The following NCOA1 variants were observed in gnomAD, a reference collection of about 807,000 sequenced individuals.
The protein encoded by NCOA1 is nuclear receptor coactivator 1.
A neutral mutation model predicts 150.9 loss-of-function variants in NCOA1; 35 were observed. The ratio of observed to expected loss-of-function variants is 0.23; its 90% CI spans 0.18 to 0.31. The LOEUF (loss-of-function observed/expected upper bound fraction) is 0.31. NCOA1 is among the 10% of genes least tolerant of loss of function. NCOA1 has a pLI of 1.00. For missense variants in NCOA1, 1,491 were observed against 1,749.3 expected, an observed-to-expected ratio of 0.85 and a Z score of 2.63; for synonymous variants, 590 against 630.0, an observed-to-expected ratio of 0.94 and a Z score of 0.95.
chr2:24,499,855 C>T (rs533977088), intron 1 of NCOA1, among the ~76,000 whole-genome samples: 2 of 152,306 alleles, frequency 1.3e-5, no homozygotes, highest in East Asian at 1.9e-4. Flanking sequence ...ACTCGTTACA[C>T]GGAGGGAACA....
chr2:24,656,447 G>A (rs1038783039), intron 4 of NCOA1, among the ~76,000 whole-genome samples: 1 of 152,174 alleles, frequency 6.6e-6, no homozygotes. Flanking sequence ...TGTCCCTCAC[G>A]TCAATCATTT....
In NCOA1 at chr2:24,564,390, A is replaced by C. The variant is rs1487727783; in HGVS notation, c.-300A>C. On this transcript the variant is annotated 5_prime_UTR_variant, in exon 2 of 23. Transcript: ENST00000348332. ...TCATGCAGTAGGCAACTTTGCTTCC[A>C]AAAGAAGTTACCAACATTTAGAATT... The C allele has an allele frequency of 1.3e-5, 2 of 152,254 alleles. No homozygotes were observed. The highest frequency in any genetic ancestry group is 4.8e-5 in the African/African-American group (2 of 41,472). 9.4% of individuals were successfully genotyped at this position (152,254 alleles called of 1,614,324 possible). A position where few individuals can be genotyped will look rare whatever the true frequency, so the allele number is the denominator to read the frequency against.
chr2:24,768,863 C>T lies in NCOA1; in HGVS notation c.*472C>T. ...GTCATGTGTCTCGAAATCAGCAGCC[C>T]TCCCCATCCCAATCCCAGGCAGCTT... On this transcript the variant is annotated 3_prime_UTR_variant, in exon 23 of 23. Transcript: ENST00000348332. 8.9e-6 allele frequency: 2 copies of T among 223,856 alleles called. No homozygotes were observed. The highest frequency in any genetic ancestry group is 1.8e-5 in the Non-Finnish European group (2 of 111,902). 13.9% of individuals were successfully genotyped at this position (223,856 alleles called of 1,614,324 possible).
chr2:24,519,115 C>T (rs1558760518), intron 1 of NCOA1, among the ~76,000 whole-genome samples: 1 of 152,058 alleles, frequency 6.6e-6, no homozygotes, highest in African/African-American at 2.4e-5. Flanking sequence ...GTATGGGTTT[C>T]AAGACAGACA....
chr2:24,697,028 T>C (rs1199955068), intron 10 of NCOA1, among the ~76,000 whole-genome samples: 1 of 152,128 alleles, frequency 6.6e-6, no homozygotes, highest in African/African-American at 2.4e-5. Flanking sequence ...TCATAGCCAT[T>C]TGGAAATTTG....
chr2:24,633,242 AC>A lies in NCOA1; in HGVS notation c.-174-10723del, dbSNP rs1420485898. The stretch of plus-strand genomic sequence containing the variant: ...GCAAGAATGGGATATTTAAAAAAAA[AC>A]ATTCAGAGAACAAAAAAGAATTTTT... On this transcript the variant is annotated intron_variant, in intron 3 of 22. Coordinates refer to ENST00000348332, the MANE Select transcript of NCOA1 (RefSeq NM_003743.5). 4.6e-5 allele frequency among the ~76,000 whole-genome samples: 7 copies of A among 152,262 alleles called. No homozygotes were observed. In the South Asian group the frequency reaches 6.2e-4, roughly 14 times the overall value.
At chr2:24,704,505 G>A (rs999755653) in intron 11 of NCOA1, among the ~76,000 whole-genome samples, 5 of 152,120 alleles carry the variant, frequency 3.3e-5, no homozygotes, top group East Asian at 3.9e-4. Flanking sequence ...GGCCAGGCGC[G>A]GTGGCTTACG....
At chr2:24,553,038 G>C (rs1665926647) in intron 1 of NCOA1, among the ~76,000 whole-genome samples, 1 of 152,132 alleles carries the variant, frequency 6.6e-6, no homozygotes. Context: ...TTGTTGAATA[G>C]GAGTGGTGAG....
chr2:24,503,720 T>C (rs1663564693), intron 1 of NCOA1, among the ~76,000 whole-genome samples: 1 of 150,964 alleles, frequency 6.6e-6, no homozygotes, highest in African/African-American at 2.5e-5. Flanking sequence ...TTTTATCATG[T>C]ATACTTGTCT....
At chr2:24,527,208 C>G (rs1464189391) in intron 1 of NCOA1, among the ~76,000 whole-genome samples, 1 of 152,112 alleles carries the variant, frequency 6.6e-6, no homozygotes, top group Non-Finnish European at 1.5e-5. Context: ...GAGCAAAAAT[C>G]CTGAGTAAAA....
intron 1 of NCOA1, among the ~76,000 whole-genome samples, chr2:24,507,343 C>T (rs1451631378): frequency 6.6e-6 from 1 of 150,524 alleles, no homozygotes; most frequent in Non-Finnish European, 1.5e-5. Flanking sequence ...CCTGTCTCCA[C>T]AAGGTGGTTG....
intron 7 of NCOA1, among the ~76,000 whole-genome samples, chr2:24,679,616 A>G (rs1572581215): frequency 1.3e-5 from 2 of 152,262 alleles, no homozygotes; most frequent in East Asian, 3.8e-4. Flanking sequence ...CTGTTTTTAA[A>G]TTATTTCTAT....
intron 4 of NCOA1, among the ~76,000 whole-genome samples, chr2:24,644,413 C>T (rs1558868557): frequency 6.6e-6 from 1 of 152,034 alleles, no homozygotes; most frequent in Non-Finnish European, 1.5e-5. Context: ...TCCAGATTTG[C>T]TTCATATATT....
chr2:24,499,172 A>G (rs1423893553), intron 1 of NCOA1, among the ~76,000 whole-genome samples: 2 of 152,156 alleles, frequency 1.3e-5, no homozygotes, highest in East Asian at 3.8e-4. Flanking sequence ...TGAAGTCTAC[A>G]TTTTGATGTT....
Position 24,735,524 on chromosome 2 carries a change from A to G in NCOA1, c.3202-3908A>G, listed in dbSNP as rs56141356. 3.2e-3 allele frequency among the ~76,000 whole-genome samples: 487 copies of G among 152,170 alleles called. 3 individuals carry two copies. The highest frequency in any genetic ancestry group is 0.017 in the Middle Eastern group (5 of 294). ...AGGTCAGTTTAAAAACAGATGTTGA[A>G]AAAATATATATATATAAATAGATAT... On this transcript the variant is annotated intron_variant, in intron 17 of 22. Transcript: ENST00000348332.
chr2:24,500,522 A>T (rs1403698549), intron 1 of NCOA1, among the ~76,000 whole-genome samples: 1 of 152,204 alleles, frequency 6.6e-6, no homozygotes, highest in Non-Finnish European at 1.5e-5. Context: ...GGGCTTGGGT[A>T]ACTGGATTTT....
chr2:24,567,664 C>T (rs1666570288), intron 2 of NCOA1, among the ~76,000 whole-genome samples: 2 of 152,190 alleles, frequency 1.3e-5, no homozygotes, highest in African/African-American at 4.8e-5. Context: ...AGGAAGTTCT[C>T]ATCAATTGAA....
chr2:24,552,204 G>C (rs1665855975), intron 1 of NCOA1, among the ~76,000 whole-genome samples: 1 of 149,678 alleles, frequency 6.7e-6, no homozygotes, highest in African/African-American at 2.5e-5. Context: ...ATTTTAATTG[G>C]ATTTACATTA....
chr2:24,610,887 T>C (rs1204360997), intron 3 of NCOA1, among the ~76,000 whole-genome samples: 13 of 152,068 alleles, frequency 8.5e-5, no homozygotes, highest in Admixed American at 7.9e-4. Context: ...TTCCTTCTAC[T>C]ATGTGCTTGG....
Sources: gnomAD v4.1 joint callset for allele counts (sites outside exome capture counted in the v4.1 genomes callset) on GRCh38, gnomAD v4.1.1 for gene constraint, MANE v1.5 for transcripts, NCBI Gene and HGNC (gene_info 2026-07-23, HGNC 2026-07-21) for gene names.